Variants in TMEM232 observed in about 807,000 individuals in gnomAD.
The protein encoded by TMEM232 is transmembrane protein 232.
Under a neutral mutation model 78.8 loss-of-function variants are expected in TMEM232, and 80 were observed. The ratio of observed to expected loss-of-function variants is 1.01; its 90% confidence interval spans 0.85 to 1.22. The LOEUF is 1.22. TMEM232 is among the 50% of genes most tolerant of loss of function. The pLI, the probability that TMEM232 is intolerant of heterozygous loss-of-function variation, is 0.00. For synonymous variants in TMEM232, 297 were observed against 254.3 expected, an observed-to-expected ratio of 1.17 and a Z score of -1.60; for missense variants, 881 against 742.2, an observed-to-expected ratio of 1.19 and a Z score of -2.17.
At chr5:110,542,624 T>C (rs1773284811) in intron 11 of TMEM232, among the ~76,000 whole-genome samples, 1 of 151,940 alleles carries the variant, frequency 6.6e-6, no homozygotes, top group Non-Finnish European at 1.5e-5. Flanking sequence ...CTGCTCCCCA[T>C]AAAGATTTAT....
chr5:110,569,792 A>G (rs1481259918), intron 10 of TMEM232, among the ~76,000 whole-genome samples: 1 of 151,894 alleles, frequency 6.6e-6, no homozygotes, highest in Non-Finnish European at 1.5e-5. Context: ...CAATCCTGCT[A>G]TGTAGATGTT....
chr5:110,584,307 A>G (rs1361653268), intron 10 of TMEM232, among the ~76,000 whole-genome samples: 1 of 152,108 alleles, frequency 6.6e-6, no homozygotes, highest in Non-Finnish European at 1.5e-5. Flanking sequence ...AAAATGAAAT[A>G]TATTCACACC....
At chr5:110,468,592 A>G (rs1188708422) in intron 12 of TMEM232, among the ~76,000 whole-genome samples, 1 of 152,146 alleles carries the variant, frequency 6.6e-6, no homozygotes, top group African/African-American at 2.4e-5. Flanking sequence ...TTCGAATGAT[A>G]TATAAAAACC....
upstream of TMEM232, among the ~76,000 whole-genome samples, chr5:110,731,619 AGCTC>A (rs140475360): frequency 0.029 from 4,349 of 152,286 alleles, 210 homozygotes; most frequent in African/African-American, 0.099. Context: ...CCACAGCCCA[AGCTC>A]TACACTGGCC....
chr5:110,498,030 T>C (rs1765816683), intron 12 of TMEM232, among the ~76,000 whole-genome samples: 1 of 152,172 alleles, frequency 6.6e-6, no homozygotes, highest in Non-Finnish European at 1.5e-5. Context: ...CAGTTAATAC[T>C]TTTAATGCCT....
intron 1 of TMEM232, among the ~76,000 whole-genome samples, chr5:110,714,227 C>T (rs1478962315): frequency 6.6e-6 from 1 of 152,166 alleles, no homozygotes; most frequent in Non-Finnish European, 1.5e-5. Flanking sequence ...TTGACACGTA[C>T]TGATTACAAC....
intron 1 of TMEM232, among the ~76,000 whole-genome samples, chr5:110,680,503 G>T (rs1194143729): frequency 1.3e-5 from 2 of 151,330 alleles, no homozygotes; most frequent in African/African-American, 4.9e-5. Flanking sequence ...TTGCAGAGAT[G>T]TAGGAAGTAG....
chr5:110,410,904 C>T (rs1404666078), intron 2 of TMEM232, among the ~76,000 whole-genome samples: 1 of 152,102 alleles, frequency 6.6e-6, no homozygotes, highest in Non-Finnish European at 1.5e-5. Context: ...TGATGCTGTT[C>T]TGCTTCTCTA....
chr5:110,466,576 A>G (rs2149365018), intron 12 of TMEM232, among the ~76,000 whole-genome samples: 1 of 151,378 alleles, frequency 6.6e-6, no homozygotes, highest in African/African-American at 2.4e-5. Context: ...CCATTAAAGT[A>G]TATTTAGTTC....
downstream of TMEM232, among the ~76,000 whole-genome samples, chr5:110,417,221 C>T (rs1756252076): frequency 6.6e-6 from 1 of 152,120 alleles, no homozygotes; most frequent in Non-Finnish European, 1.5e-5. Flanking sequence ...ACCTGAGATA[C>T]GTTAACACTT....
chr5:110,430,803 T>G (rs529729394), intron 12 of TMEM232, among the ~76,000 whole-genome samples: 3 of 151,838 alleles, frequency 2.0e-5, no homozygotes, highest in Admixed American at 6.6e-5. Flanking sequence ...ATCAATGACC[T>G]GACAGATAAC....
Position 110,420,726 on chromosome 5 carries a change from C to T in TMEM232, c.1828G>A (p.Glu610Lys), listed in dbSNP as rs1561470686. The change falls in exon 14 of 14, where the codon GAA becomes AAA. Residue 610 changes from glutamate to lysine, a missense_variant. By Grantham distance (56) the Glu-to-Lys change is moderately conservative. Coordinates refer to ENST00000455884, the MANE Select transcript of TMEM232 (RefSeq NM_001039763.4). ...WQEELKIREKEDAICKAQELK... is the reference protein window; with the variant it reads ...WQEELKIREKKDAICKAQELK... ...TCTTGGGCCTTGCATATTGCATCTT[C>T]TTTTTCTCGGATCTTTAGCTCTTCC... 1 of 1,523,712 alleles carries T rather than the reference C, an allele frequency of 6.6e-7. No individual in the cohort carries two copies. The highest frequency in any genetic ancestry group is 8.7e-7 in the Non-Finnish European group (1 of 1,143,264). The allele number at this position is 1,523,712 out of a possible 1,614,324, so 94.4% of individuals were successfully genotyped here.
chr5:110,587,685 A>ATG (rs1415185509), intron 10 of TMEM232, among the ~76,000 whole-genome samples: 8 of 90,646 alleles, frequency 8.8e-5, no homozygotes, highest in African/African-American at 1.7e-4. Flanking sequence ...ATATATATAT[A>ATG]TATATATGTG....
rs140506297 is a variant in TMEM232, at chr5:110,537,773, T to C, written c.1456-8938A>G. 4.6e-5 allele frequency among the ~76,000 whole-genome samples: 7 copies of C among 152,322 alleles called. No individual in the cohort carries two copies. In the East Asian group the frequency reaches 7.7e-4, roughly 17 times the overall value. ...GCAGGTCCCTTCTCTATAACTGATATACAACAATGTAAGGAAAAGCTAGAA... is the reference window on the plus strand; with the variant it reads ...GCAGGTCCCTTCTCTATAACTGATACACAACAATGTAAGGAAAAGCTAGAA... On this transcript the variant is annotated intron_variant, in intron 11 of 13. Coordinates refer to ENST00000455884, the MANE Select transcript of TMEM232 (RefSeq NM_001039763.4).
chr5:110,486,168 G>GT (rs895588773), intron 12 of TMEM232, among the ~76,000 whole-genome samples: 89 of 146,084 alleles, frequency 6.1e-4, no homozygotes, highest in Admixed American at 7.5e-4. Context: ...TTAACGGGAG[G>GT]TTTTTTTTTT....
At chr5:110,726,297 G>T (rs1798150913) in intron 1 of TMEM232, among the ~76,000 whole-genome samples, 1 of 152,160 alleles carries the variant, frequency 6.6e-6, no homozygotes, top group Non-Finnish European at 1.5e-5. Context: ...GGATAAGCGA[G>T]TCCAGGGGAG....
intron 3 of TMEM232, among the ~76,000 whole-genome samples, chr5:110,396,761 A>G (rs1312025349): frequency 6.6e-6 from 1 of 152,190 alleles, no homozygotes; most frequent in Non-Finnish European, 1.5e-5. Flanking sequence ...CCTTACTTAC[A>G]TTATTTAATC....
intron 5 of TMEM232, among the ~76,000 whole-genome samples, chr5:110,636,084 TA>T (rs1268281645): frequency 6.6e-6 from 1 of 151,960 alleles, no homozygotes; most frequent in African/African-American, 2.4e-5. Context: ...AATTTGGCAA[TA>T]AAATAATGAA....
chr5:110,691,912 A>C (rs563212898), intron 1 of TMEM232, among the ~76,000 whole-genome samples: 1 of 152,104 alleles, frequency 6.6e-6, no homozygotes, highest in African/African-American at 2.4e-5. Flanking sequence ...CACATTCTCA[A>C]TTCTTTTGTT....
Sources: allele counts gnomAD v4.1 joint callset (sites outside exome capture counted in the v4.1 genomes callset), GRCh38; gene constraint gnomAD v4.1.1; transcripts MANE v1.5; gene names NCBI Gene and HGNC (gene_info 2026-07-23, HGNC 2026-07-21).